SAMD5: variants seen among roughly 807,000 people sequenced by gnomAD.
SAMD5 encodes the protein sterile alpha motif domain-containing protein 5.
Under a neutral mutation model 11.3 loss-of-function variants are expected in SAMD5, and 13 were observed. The ratio of observed to expected loss-of-function variants is 1.15; its 90% confidence interval spans 0.75 to 1.83. The LOEUF (loss-of-function observed/expected upper bound fraction) is 1.83, where lower values mean the gene tolerates loss of function less well. Among genes scored for constraint, SAMD5 ranks in the 40% most tolerant of loss-of-function variants. The pLI, the probability that SAMD5 is intolerant of heterozygous loss-of-function variation, is 0.00. For missense variants in SAMD5, 255 were observed against 239.1 expected (o/e 1.07, Z -0.44); for synonymous variants, 129 against 111.3 (o/e 1.16, Z -1.00).
At chr6:147,935,934 G>A in the SAMD5 span, among the ~76,000 whole-genome samples, 1 of 152,160 alleles carries the variant, frequency 6.6e-6, no homozygotes, top group African/African-American at 2.4e-5. Context: ...GAGCCAATAA[G>A]TTTGTAAGCT....
At chr6:147,588,448 T>A (rs1053668716) in intron 1 of SAMD5, among the ~76,000 whole-genome samples, 1 of 151,094 alleles carries the variant, frequency 6.6e-6, no homozygotes, top group Admixed American at 6.6e-5. Context: ...CAAGTAGTAG[T>A]CCCAATTAGG....
At chr6:147,806,335 C>G in the SAMD5 span, among the ~76,000 whole-genome samples, 1 of 152,150 alleles carries the variant, frequency 6.6e-6, no homozygotes, top group Non-Finnish European at 1.5e-5. Context: ...CACACACACT[C>G]ATTGTGATGC....
the SAMD5 span, among the ~76,000 whole-genome samples, chr6:147,904,893 T>C: frequency 3.8e-5 from 1 of 26,114 alleles, no homozygotes; most frequent in African/African-American, 3.1e-4. Flanking sequence ...CTTTATGCCT[T>C]TTTTTTTTTT....
intron 1 of SAMD5, among the ~76,000 whole-genome samples, chr6:147,586,880 G>T (rs997686317): frequency 3.3e-5 from 5 of 151,940 alleles, no homozygotes; most frequent in African/African-American, 1.2e-4. Context: ...TAAAATTTCA[G>T]AATTATGAGA....
chr6:147,829,732 C>A, the SAMD5 span, among the ~76,000 whole-genome samples: 1 of 152,002 alleles, frequency 6.6e-6, no homozygotes, highest in African/African-American at 2.4e-5. Flanking sequence ...GAGATGGCAA[C>A]ATTTCAGGTG....
intron 1 of SAMD5, among the ~76,000 whole-genome samples, chr6:147,646,998 A>T (rs1245349169): frequency 6.7e-6 from 1 of 148,240 alleles, no homozygotes; most frequent in Non-Finnish European, 1.5e-5. Flanking sequence ...AATAATAATA[A>T]TAATAATAAT....
At chr6:147,529,629 A>G (rs543629401) in intron 1 of SAMD5, among the ~76,000 whole-genome samples, 16 of 152,316 alleles carry the variant, frequency 1.1e-4, no homozygotes, top group Admixed American at 3.3e-4. Flanking sequence ...ACACATAGAA[A>G]ATGCTGAATA....
intron 1 of SAMD5, chr6:147,729,856 A>G (rs148242389): frequency 0.032 from 14,640 of 455,982 alleles, 371 homozygotes; most frequent in African/African-American, 0.056. Flanking sequence ...AGGCTGAGGC[A>G]GGTGGATCAC....
chr6:147,819,941 G>C, the SAMD5 span, among the ~76,000 whole-genome samples: 2 of 152,300 alleles, frequency 1.3e-5, no homozygotes, highest in Admixed American at 6.5e-5. Context: ...CACACGAGGA[G>C]GAGAGAAAGG....
the SAMD5 span, among the ~76,000 whole-genome samples, chr6:147,791,189 A>G: frequency 6.6e-6 from 1 of 151,992 alleles, no homozygotes; most frequent in Non-Finnish European, 1.5e-5. Flanking sequence ...CAGCTACTTG[A>G]CAGGCTGAGG....
the SAMD5 span, among the ~76,000 whole-genome samples, chr6:147,763,015 T>TA: frequency 2.0e-5 from 3 of 152,144 alleles, no homozygotes; most frequent in African/African-American, 7.2e-5. Context: ...AACAAAATTT[T>TA]AAAAAAAGCT....
At chr6:147,512,061 T>A (rs1281252468) in intron 1 of SAMD5, among the ~76,000 whole-genome samples, 1 of 152,126 alleles carries the variant, frequency 6.6e-6, no homozygotes, top group African/African-American at 2.4e-5. Flanking sequence ...TTCAAGCAAT[T>A]CTCCTGCCTC....
chr6:147,813,347 A>G, the SAMD5 span, among the ~76,000 whole-genome samples: 1 of 152,222 alleles, frequency 6.6e-6, no homozygotes, highest in Non-Finnish European at 1.5e-5. Context: ...CAAACAGTTT[A>G]ATTCTAGATA....
At chr6:147,797,926 T>C in the SAMD5 span, among the ~76,000 whole-genome samples, 1 of 151,276 alleles carries the variant, frequency 6.6e-6, no homozygotes, top group Non-Finnish European at 1.5e-5. Context: ...CCCTTTATCA[T>C]TTTTTATTGT....
chr6:147,653,912 G>C (rs1790528984), intron 1 of SAMD5, among the ~76,000 whole-genome samples: 1 of 152,162 alleles, frequency 6.6e-6, no homozygotes, highest in Non-Finnish European at 1.5e-5. Flanking sequence ...GCATGGAGAA[G>C]AGAAGTTGCC....
the SAMD5 span, among the ~76,000 whole-genome samples, chr6:147,928,902 C>G: frequency 6.6e-6 from 1 of 151,564 alleles, no homozygotes; most frequent in African/African-American, 2.4e-5. Flanking sequence ...TTGATTTTTG[C>G]CTTAATTTCA....
chr6:147,664,242 C>A (rs966524613), intron 1 of SAMD5, among the ~76,000 whole-genome samples: 2 of 152,122 alleles, frequency 1.3e-5, no homozygotes, highest in Non-Finnish European at 2.9e-5. Context: ...ATTTCCACTA[C>A]CCTTTCAGAG....
chr6:147,725,387 CT>C (rs10711772), intron 1 of SAMD5, among the ~76,000 whole-genome samples: 11,700 of 119,072 alleles, frequency 0.098, 350 homozygotes, highest in African/African-American at 0.15. Flanking sequence ...ACTGACCTGG[CT>C]TTTTTTTTTT....
intron 1 of SAMD5, among the ~76,000 whole-genome samples, chr6:147,543,116 CT>C (rs1788631616): frequency 6.6e-6 from 1 of 152,158 alleles, no homozygotes. Flanking sequence ...CCCCGCTCCC[CT>C]ATCCTAGTTT....
Sources: gnomAD v4.1 joint callset for allele counts (sites outside exome capture counted in the v4.1 genomes callset) on GRCh38, gnomAD v4.1.1 for gene constraint, MANE v1.5 for transcripts, NCBI Gene and HGNC (gene_info 2026-07-23, HGNC 2026-07-21) for gene names.